The following PLCH1 variants were observed in gnomAD, a reference collection of about 807,000 sequenced individuals.
PLCH1 encodes the protein phospholipase C eta 1.
PLCH1 carries 60 observed loss-of-function variants against 126.7 expected under a neutral mutation model. The ratio of observed to expected loss-of-function variants is 0.47; its 90% CI spans 0.38 to 0.59. The LOEUF (loss-of-function observed/expected upper bound fraction) is 0.59. Ranked by LOEUF, PLCH1 falls within the 20% of genes least tolerant of loss-of-function variation. PLCH1 has a pLI of 0.00. For missense variants in PLCH1, 1,723 were observed against 2,040.0 expected, an observed-to-expected ratio of 0.84 and a Z score of 2.99; for synonymous variants, 719 against 734.9, an observed-to-expected ratio of 0.98 and a Z score of 0.35.
chr3:155,643,549 C>A (rs1739659931), intron 2 of PLCH1, among the ~76,000 whole-genome samples: 1 of 152,146 alleles, frequency 6.6e-6, no homozygotes, highest in African/African-American at 2.4e-5. Context: ...ATAAAATTGT[C>A]TGTGTGTCTG....
rs59489759 is a variant in PLCH1 at position 155,612,908 on chromosome 3, TAA to T, written c.80-16532_80-16531del. On this transcript the variant is annotated intron_variant, in intron 2 of 22. Transcript: ENST00000460012. Reference sequence around the variant, plus strand: ...GGGCAACAAGAGTGAAACTGTGTATTAAAAAAAAAAAAAAAAAGAAAAGATCC... The same window carrying T: ...GGGCAACAAGAGTGAAACTGTGTATTAAAAAAAAAAAAAAAGAAAAGATCC... Among the ~76,000 whole-genome samples, 32 of 94,592 alleles carry T rather than the reference TAA, an allele frequency of 3.4e-4. 1 individual carries two copies. The highest frequency in any genetic ancestry group is 5.8e-4 in the African/African-American group (11 of 19,034). The allele number at this position is 94,592 out of a possible 152,430, so 62.1% of individuals were successfully genotyped here.
At chr3:155,618,999 G>C (rs142994697) in intron 2 of PLCH1, among the ~76,000 whole-genome samples, 30 of 152,250 alleles carry the variant, frequency 2.0e-4, no homozygotes, top group African/African-American at 7.2e-4. Context: ...TTTTTGGAGA[G>C]TCAGTCAGGG....
At chr3:155,620,929 C>T (rs540275795) in intron 2 of PLCH1, among the ~76,000 whole-genome samples, 1 of 152,226 alleles carries the variant, frequency 6.6e-6, no homozygotes, top group Admixed American at 6.5e-5. Flanking sequence ...CAGACTGCCT[C>T]CTCAAGTGGG....
At position 155,586,197 on chromosome 3, in the gene PLCH1, G is replaced by A; in HGVS notation, c.471-3C>T. ...CCTCAAAGGTCTGCTTCACCCATGTGCAGAAAGGTCAAAGAAAACACCTGT... is the reference window on the plus strand; with the variant it reads ...CCTCAAAGGTCTGCTTCACCCATGTACAGAAAGGTCAAAGAAAACACCTGT... On this transcript the variant is annotated splice_polypyrimidine_tract_variant and splice_region_variant and intron_variant, in intron 4 of 22. Transcript: ENST00000460012. 6.2e-7 allele frequency: 1 copy of A among 1,614,004 alleles called. No homozygotes were observed. Among genetic ancestry groups the A allele is most frequent in the Non-Finnish European group, 8.5e-7 (1 of 1,179,944 alleles).
intron 2 of PLCH1, among the ~76,000 whole-genome samples, chr3:155,627,364 C>T (rs779677326): frequency 1.3e-5 from 2 of 152,222 alleles, no homozygotes. Flanking sequence ...GGTGTGGTGG[C>T]TCATGCCTGT....
intron 1 of PLCH1, among the ~76,000 whole-genome samples, chr3:155,724,569 G>A (rs1748174132): frequency 6.6e-6 from 1 of 152,028 alleles, no homozygotes; most frequent in African/African-American, 2.4e-5. Flanking sequence ...ACTCTTGCTT[G>A]CTTTTGGTGT....
chr3:155,462,777 G>A (rs1712777023), intron 21 of PLCH1, among the ~76,000 whole-genome samples: 1 of 152,130 alleles, frequency 6.6e-6, no homozygotes, highest in East Asian at 1.9e-4. Context: ...TGCTGCCACT[G>A]TCACTGACAC....
rs1728769535 is a variant in PLCH1 at position 155,568,292 on chromosome 3, G to A, written c.804C>T (p.Asp268=). 3.9e-6 allele frequency: 6 copies of A among 1,545,508 alleles called. No homozygotes were observed. The highest frequency in any genetic ancestry group is 1.7e-5 in the Admixed American group (1 of 59,142). The change falls in exon 7 of 23, where the codon GAC becomes GAT. Residue 268 remains aspartate (D), a synonymous_variant. Coordinates refer to ENST00000460012, the MANE Select transcript of PLCH1 (RefSeq NM_014996.4). ...MNNVTTDYCL[D]IIKKFEVSEE... Reference sequence around the variant, plus strand: ...CTGAAACTTCAAACTTCTTTATGATGTCAAGACAATAGTCCGTTGTCACAT... The same window carrying A: ...CTGAAACTTCAAACTTCTTTATGATATCAAGACAATAGTCCGTTGTCACAT...
At chr3:155,572,300 A>G (rs1729326071) in intron 6 of PLCH1, among the ~76,000 whole-genome samples, 1 of 152,188 alleles carries the variant, frequency 6.6e-6, no homozygotes. Flanking sequence ...TTTGTTTGAC[A>G]GTTTTTGGCA....
chr3:155,568,907 C>A (rs1227518485), intron 6 of PLCH1, among the ~76,000 whole-genome samples: 2 of 151,964 alleles, frequency 1.3e-5, no homozygotes, highest in East Asian at 3.9e-4. Flanking sequence ...AACTCTGGAG[C>A]TAGACTGCTT....
At chr3:155,536,534 G>A (rs1004086485) in intron 10 of PLCH1, among the ~76,000 whole-genome samples, 5 of 152,026 alleles carry the variant, frequency 3.3e-5, no homozygotes, top group Non-Finnish European at 5.9e-5. Context: ...AAAATACACT[G>A]GAAAGTTTCA....
chr3:155,619,174 T>G (rs1164337664), intron 2 of PLCH1, among the ~76,000 whole-genome samples: 1 of 146,916 alleles, frequency 6.8e-6, no homozygotes, highest in African/African-American at 2.6e-5. Context: ...CACAGTACAT[T>G]ACACATTCTA....
intron 15 of PLCH1, among the ~76,000 whole-genome samples, chr3:155,495,711 C>T (rs1716938267): frequency 1.3e-5 from 2 of 152,178 alleles, no homozygotes; most frequent in African/African-American, 2.4e-5. Flanking sequence ...ATGTTAGATG[C>T]TGCCCAACTG....
intron 10 of PLCH1, among the ~76,000 whole-genome samples, chr3:155,540,395 CTTAA>C (rs1360724984): frequency 6.6e-6 from 1 of 152,042 alleles, no homozygotes; most frequent in African/African-American, 2.4e-5. Context: ...AGAGATGGGA[CTTAA>C]TTAAACTAAA....
rs143913190 is a variant in PLCH1 at position 155,735,897 on chromosome 3, C to T, written c.-41+8943G>A. On this transcript the variant is annotated intron_variant, in intron 1 of 22. Transcript: ENST00000460012. ...ACAAGAAACTAATAACACTTTTCTA[C>T]GGGAGGAAAAACTGAATGGCTGAGG... Among the ~76,000 whole-genome samples the T allele has an allele frequency of 1.8e-3, 275 of 152,110 alleles. 1 individual carries two copies. Among genetic ancestry groups the T allele is most frequent in the African/African-American group, 5.8e-3 (241 of 41,512 alleles).
At chr3:155,452,097 T>G in intron 21 of PLCH1, among the ~76,000 whole-genome samples, 1 of 152,106 alleles carries the variant, frequency 6.6e-6, no homozygotes, top group East Asian at 1.9e-4. Flanking sequence ...GATAAAGACA[T>G]ACCCAAGACT....
At chr3:155,704,098 A>C (rs956377832) in intron 2 of PLCH1, 48 bp downstream of exon 2, 2 of 840,834 alleles carry the variant, frequency 2.4e-6, no homozygotes, top group Non-Finnish European at 3.2e-6. Flanking sequence ...AAGTCCTGTC[A>C]GAAACAAAAT....
In PLCH1 at chr3:155,721,666, AC is replaced by A. The variant is rs1254068521; in HGVS notation, c.-40-17403del. ...ATCATCGGCAAAAAACCACAGTTAG[AC>A]TTCCTCTTTACCAACATGGATACCC... On this transcript the variant is annotated intron_variant, in intron 1 of 22. Transcript: ENST00000460012. Among the ~76,000 whole-genome samples the A allele has an allele frequency of 4.6e-5, 7 of 152,178 alleles. No homozygotes were observed. In the East Asian group the frequency reaches 1.3e-3, roughly 29 times the overall value.
chr3:155,531,985 C>T (rs138791894), intron 10 of PLCH1, among the ~76,000 whole-genome samples: 2 of 152,326 alleles, frequency 1.3e-5, no homozygotes, highest in East Asian at 3.9e-4. Flanking sequence ...TGTGTGTTTA[C>T]TGAAGTAGCA....
Sources: gnomAD v4.1 joint callset for allele counts (sites outside exome capture counted in the v4.1 genomes callset) on GRCh38, gnomAD v4.1.1 for gene constraint, MANE v1.5 for transcripts, NCBI Gene and HGNC (gene_info 2026-07-23, HGNC 2026-07-21) for gene names.